PCMTD1: variants seen among roughly 807,000 people sequenced by gnomAD.
PCMTD1 encodes the protein protein-L-isoaspartate O-methyltransferase domain-containing protein 1.
Under a neutral mutation model 37.6 loss-of-function variants are expected in PCMTD1, and 12 were observed. The observed-to-expected ratio is 0.32, with a 90% CI of 0.20 to 0.52. The LOEUF is 0.52. Among genes scored for constraint, PCMTD1 ranks in the 20% least tolerant of loss-of-function variants. The probability of loss-of-function intolerance (pLI) is 0.97; values close to 1 mark genes in which losing one functional copy is unlikely to be tolerated. For synonymous variants in PCMTD1, 117 were observed against 135.8 expected, an observed-to-expected ratio of 0.86 and a Z score of 0.96; for missense variants, 235 against 421.3, an observed-to-expected ratio of 0.56 and a Z score of 3.87.
intron 3 of PCMTD1, among the ~76,000 whole-genome samples, chr8:51,843,598 CA>C (rs55719945): frequency 0.12 from 17,695 of 146,530 alleles, 1,264 homozygotes; most frequent in East Asian, 0.17. Context: ...TTTACAATAA[CA>C]AAAAAAAAAA....
chr8:51,824,176 A>C (rs2037888101), intron 5 of PCMTD1, among the ~76,000 whole-genome samples: 1 of 152,220 alleles, frequency 6.6e-6, no homozygotes, highest in Non-Finnish European at 1.5e-5. Context: ...TATTCAACAT[A>C]GTATTGGAAG....
chr8:51,822,752 T>C (rs2037867312), intron 5 of PCMTD1, among the ~76,000 whole-genome samples: 1 of 152,092 alleles, frequency 6.6e-6, no homozygotes, highest in African/African-American at 2.4e-5. Context: ...CATCAGCCCA[T>C]CGTGACATGC....
chr8:51,855,566 A>G (rs2038374348), intron 2 of PCMTD1, among the ~76,000 whole-genome samples: 1 of 70,490 alleles, frequency 1.4e-5, no homozygotes, highest in Non-Finnish European at 6.3e-5. Flanking sequence ...ATTCCTTTTA[A>G]AAAAAAAGTG....
At chr8:51,868,631 A>T (rs374728457) in intron 1 of PCMTD1, among the ~76,000 whole-genome samples, 12 of 152,174 alleles carry the variant, frequency 7.9e-5, no homozygotes, top group African/African-American at 2.9e-4. Flanking sequence ...AGGAATAAAA[A>T]TACATTTAAT....
At chr8:51,893,282 G>A (rs1483734622) in intron 1 of PCMTD1, among the ~76,000 whole-genome samples, 3 of 152,018 alleles carry the variant, frequency 2.0e-5, no homozygotes, top group East Asian at 3.8e-4. Context: ...AAACAATACA[G>A]GGCACAATGG....
At chr8:51,863,107 T>C (rs1250520627) in intron 1 of PCMTD1, among the ~76,000 whole-genome samples, 1 of 151,274 alleles carries the variant, frequency 6.6e-6, no homozygotes, top group East Asian at 1.9e-4. Flanking sequence ...CTTCCTAAGG[T>C]GAAAGAAAAA....
chr8:51,837,555 T>C (rs1011623776), intron 3 of PCMTD1, among the ~76,000 whole-genome samples: 1 of 152,164 alleles, frequency 6.6e-6, no homozygotes, highest in Non-Finnish European at 1.5e-5. Flanking sequence ...ATTATTTAAA[T>C]ATGGCTTAAC....
At chr8:51,845,599 T>G (rs905941017) in intron 3 of PCMTD1, 62 bp downstream of exon 3, 2 of 1,155,426 alleles carry the variant, frequency 1.7e-6, no homozygotes, top group African/African-American at 3.0e-5. Context: ...TGTTCAAGAA[T>G]AGACATGTTG....
rs2129275713 is a variant in PCMTD1 at position 51,831,298 on chromosome 8, A to T, written c.706+146T>A. ...GGGCAACAGAACAAGACTGTCTCCAAAAAAAAAAAAAAAGTTGAATAAATC... is the reference window on the plus strand; with the variant it reads ...GGGCAACAGAACAAGACTGTCTCCATAAAAAAAAAAAAAGTTGAATAAATC... On this transcript the variant is annotated intron_variant, in intron 5 of 5. Transcript: ENST00000522514. 17 of 130,822 alleles carry T rather than the reference A, an allele frequency of 1.3e-4. No individual in the cohort carries two copies. The East Asian group carries it at 2.3e-3, about 18-fold the overall frequency. The allele number at this position is 130,822 out of a possible 1,614,324, so 8.1% of individuals were successfully genotyped here.
intron 2 of PCMTD1, among the ~76,000 whole-genome samples, chr8:51,851,174 G>A (rs547015328): frequency 1.1e-4 from 16 of 152,296 alleles, no homozygotes; most frequent in Non-Finnish European, 2.1e-4. Context: ...CCACTCTGAA[G>A]CTAATAAGAT....
chr8:51,857,040 G>C (rs921078996), intron 2 of PCMTD1, among the ~76,000 whole-genome samples: 14 of 152,228 alleles, frequency 9.2e-5, no homozygotes, highest in African/African-American at 3.1e-4. Flanking sequence ...GCAAAAGAGA[G>C]AAAGCACGAG....
chr8:51,821,310 T>A (rs1221724924), intron 5 of PCMTD1, among the ~76,000 whole-genome samples: 9 of 152,118 alleles, frequency 5.9e-5, no homozygotes, highest in Non-Finnish European at 2.9e-5. Flanking sequence ...GGATAATTTT[T>A]AAATTATTTG....
Position 51,820,501 on chromosome 8 carries a change from C to A in PCMTD1, c.924G>T (p.Met308Ile), listed in dbSNP as rs747308230. 1 of 1,613,848 alleles carries A rather than the reference C, an allele frequency of 6.2e-7. No individual in the cohort carries two copies. Among genetic ancestry groups the A allele is most frequent in the Non-Finnish European group, 8.5e-7 (1 of 1,179,900 alleles). Residue 308 changes from methionine to isoleucine, a missense_variant, in exon 6 of 6, where the codon ATG (methionine) becomes ATT (isoleucine). Coordinates refer to ENST00000522514, the MANE Select transcript of PCMTD1 (RefSeq NM_052937.4). ...QPLDSEEDEKMEEDNKEEEEK... is the reference protein window; with the variant it reads ...QPLDSEEDEKIEEDNKEEEEK... Reference sequence around the variant, plus strand: ...CCTCCTCTTCTTTGTTATCCTCTTCCATTTTTTCATCCTCTTCACTGTCTA... The same window carrying A: ...CCTCCTCTTCTTTGTTATCCTCTTCAATTTTTTCATCCTCTTCACTGTCTA...
intron 2 of PCMTD1, among the ~76,000 whole-genome samples, chr8:51,852,317 G>T (rs2038320106): frequency 6.6e-6 from 1 of 152,198 alleles, no homozygotes; most frequent in South Asian, 2.1e-4. Context: ...TGAAACAAAT[G>T]ATATCCACAA....
chr8:51,834,094 G>C (rs2038034552), intron 3 of PCMTD1, among the ~76,000 whole-genome samples: 1 of 152,158 alleles, frequency 6.6e-6, no homozygotes, highest in Non-Finnish European at 1.5e-5. Context: ...GGGGCCAGCA[G>C]AAATGAGAAG....
chr8:51,849,191 ATTTGT>A (rs1202729321), intron 2 of PCMTD1: 1 of 152,192 alleles, frequency 6.6e-6, no homozygotes, highest in African/African-American at 2.4e-5. Flanking sequence ...CTTGTATAAA[ATTTGT>A]TTTAACCATT....
At chr8:51,834,194 A>G (rs1196568393) in intron 3 of PCMTD1, among the ~76,000 whole-genome samples, 3 of 152,214 alleles carry the variant, frequency 2.0e-5, no homozygotes, top group Non-Finnish European at 2.9e-5. Flanking sequence ...TGTCCTGACC[A>G]CATACCCCTG....
chr8:51,890,282 T>C (rs1428956218), intron 1 of PCMTD1, among the ~76,000 whole-genome samples: 2 of 152,228 alleles, frequency 1.3e-5, no homozygotes, highest in Non-Finnish European at 2.9e-5. Flanking sequence ...TCTTTCACAA[T>C]GGGATTTACA....
In PCMTD1 at chr8:51,819,506, G is replaced by A. The variant is rs557392535; in HGVS notation, c.*845C>T. ...CCTATCAAGAGTCACACATAACAATGGTTTTGCTTTTTTTAAAAAACCAAA... is the reference window on the plus strand; with the variant it reads ...CCTATCAAGAGTCACACATAACAATAGTTTTGCTTTTTTTAAAAAACCAAA... On this transcript the variant is annotated 3_prime_UTR_variant, in exon 6 of 6. Transcript: ENST00000522514. 1 of 152,316 alleles carries A rather than the reference G, an allele frequency of 6.6e-6. No homozygotes were observed. The highest frequency in any genetic ancestry group is 2.1e-4 in the South Asian group (1 of 4,812). 9.4% of individuals were successfully genotyped at this position (152,316 alleles called of 1,614,324 possible).
Sources: allele counts gnomAD v4.1 joint callset (sites outside exome capture counted in the v4.1 genomes callset), GRCh38; gene constraint gnomAD v4.1.1; transcripts MANE v1.5; gene names NCBI Gene and HGNC (gene_info 2026-07-23, HGNC 2026-07-21).